Variants in DGCR8 observed in about 807,000 individuals in gnomAD.
DGCR8 encodes the protein DGCR8 microprocessor complex subunit.
In DGCR8, 14 loss-of-function variants were observed where a neutral mutation model predicts 78.5. The observed-to-expected ratio is 0.18, with a 90% confidence interval of 0.12 to 0.28. DGCR8 has a LOEUF of 0.28. Among genes scored for constraint, DGCR8 ranks in the 10% least tolerant of loss-of-function variants. The pLI is 1.00. For synonymous variants in DGCR8, 399 were observed against 402.4 expected (o/e 0.99, Z 0.10); for missense variants, 702 against 1,022.5 (o/e 0.69, Z 4.28).
At chr22:20,109,813 A>G (rs73389786) in intron 13 of DGCR8, among the ~76,000 whole-genome samples, 11,640 of 152,138 alleles carry the variant, frequency 0.077, 560 homozygotes, top group African/African-American at 0.13. Flanking sequence ...CACATGTTGT[A>G]CTCTGATGGC....
chr22:20,106,848 G>A (rs570146224), intron 11 of DGCR8, 150 bp downstream of exon 11: 19 of 635,496 alleles, frequency 3.0e-5, no homozygotes, highest in South Asian at 5.4e-5. Context: ...AGCCTAAGGC[G>A]GACTGGCAGC....
chr22:20,103,342 A>G (rs1016671100), intron 9 of DGCR8, among the ~76,000 whole-genome samples: 7 of 152,062 alleles, frequency 4.6e-5, no homozygotes, highest in African/African-American at 1.7e-4. Flanking sequence ...TACTAGATTT[A>G]TAGTTAAATA....
Position 20,089,560 on chromosome 22 carries a change from C to G in DGCR8, c.881-109C>G. 3 of 1,206,318 alleles carry G rather than the reference C, an allele frequency of 2.5e-6. No individual in the cohort carries two copies. Among genetic ancestry groups the G allele is most frequent in the Non-Finnish European group, 3.6e-6 (3 of 841,218 alleles). 74.7% of individuals were successfully genotyped at this position (1,206,318 alleles called of 1,614,324 possible). On this transcript the variant is annotated intron_variant, in intron 3 of 13. Transcript: ENST00000351989. The surrounding 1 kb of genome is among the most constrained non-coding windows in gnomAD (Gnocchi z 4.9). ...AGGAATTTCGATTATCTGTGAAGAC[C>G]CAGTTAAACACATGCTAGTACCCAA...
chr22:20,106,865 G>A, intron 11 of DGCR8, 167 bp downstream of exon 11: 1 of 614,098 alleles, frequency 1.6e-6, no homozygotes. Flanking sequence ...CAGCCGTCCT[G>A]CCTGCACTTT....
At chr22:20,106,800 C>T (rs2049775633) in intron 11 of DGCR8, 102 bp downstream of exon 11, 1 of 829,488 alleles carries the variant, frequency 1.2e-6, no homozygotes, top group Non-Finnish European at 2.0e-6. Context: ...CTGGCATTGT[C>T]CCTGAGCCCA....
At chr22:20,107,475 G>T in intron 12 of DGCR8, 77 bp downstream of exon 12, 3 of 1,579,790 alleles carry the variant, frequency 1.9e-6, no homozygotes, top group Non-Finnish European at 2.6e-6. Flanking sequence ...TGTGCTCAGA[G>T]GGGGCAGAGC....
intron 13 of DGCR8, among the ~76,000 whole-genome samples, chr22:20,109,793 A>T (rs1214925848): frequency 6.6e-6 from 1 of 152,340 alleles, no homozygotes; most frequent in Non-Finnish European, 1.5e-5. Context: ...CCTGATTGCC[A>T]GGGAGGCTGC....
At chr22:20,096,551 T>A in intron 9 of DGCR8, 1 of 935,982 alleles carries the variant, frequency 1.1e-6, no homozygotes, top group Non-Finnish European at 1.3e-6. Context: ...TACTATAAAT[T>A]TGGCCTTTTA....
Position 20,087,414 on chromosome 22 carries a change from A to G in DGCR8, c.880+93A>G. 13 of 1,433,960 alleles carry G rather than the reference A, an allele frequency of 9.1e-6. No individual in the cohort carries two copies. Among genetic ancestry groups the G allele is most frequent in the Non-Finnish European group, 1.2e-5 (13 of 1,062,772 alleles). The allele number at this position is 1,433,960 out of a possible 1,614,324, so 88.8% of individuals were successfully genotyped here. Reference sequence around the variant, plus strand: ...AATGCTTTGAGAGAGCTCTGGTGCCAGGTAGTGGGCTGGGTGGAGGCATGT... The same window carrying G: ...AATGCTTTGAGAGAGCTCTGGTGCCGGGTAGTGGGCTGGGTGGAGGCATGT... On this transcript the variant is annotated intron_variant, in intron 3 of 13. Transcript: ENST00000351989. The surrounding 1 kb of genome is among the most constrained non-coding windows in gnomAD (Gnocchi z 4.1).
At chr22:20,095,400 C>T (rs1020332431) in intron 9 of DGCR8, among the ~76,000 whole-genome samples, 2 of 152,154 alleles carry the variant, frequency 1.3e-5, no homozygotes, top group Non-Finnish European at 2.9e-5. Context: ...GCCACTGCGC[C>T]CGGCCCTAGA....
At chr22:20,103,832 T>C (rs558804761) in intron 9 of DGCR8, among the ~76,000 whole-genome samples, 1 of 152,342 alleles carries the variant, frequency 6.6e-6, no homozygotes, top group Admixed American at 6.5e-5. Flanking sequence ...TGAACTACTG[T>C]TGAGTTTCTT....
intron 1 of DGCR8, among the ~76,000 whole-genome samples, chr22:20,081,618 C>T (rs1224021502): frequency 6.6e-6 from 1 of 152,108 alleles, no homozygotes; most frequent in Non-Finnish European, 1.5e-5. Context: ...TTGTTGTAGC[C>T]CTCTCCTTTG....
At chr22:20,101,807 C>A in intron 9 of DGCR8, 1 of 985,334 alleles carries the variant, frequency 1.0e-6, no homozygotes, top group Non-Finnish European at 1.2e-6. Context: ...CAACACCTGT[C>A]CTTGGACTGT....
chr22:20,093,020 GTTTAT>G (rs1486858701), intron 8 of DGCR8, 113 bp downstream of exon 8: 4 of 700,430 alleles, frequency 5.7e-6, no homozygotes, highest in African/African-American at 3.6e-5. Context: ...GGTGGGGCAT[GTTTAT>G]TTTATTTATG....
intron 1 of DGCR8, among the ~76,000 whole-genome samples, chr22:20,082,921 A>C (rs980327366): frequency 3.3e-5 from 5 of 152,104 alleles, no homozygotes; most frequent in Admixed American, 6.5e-5. Context: ...GGGCCTTCCT[A>C]TCCGGTGGCC....
At chr22:20,104,560 C>T (rs914365117) in intron 9 of DGCR8, among the ~76,000 whole-genome samples, 2 of 152,166 alleles carry the variant, frequency 1.3e-5, no homozygotes, top group African/African-American at 2.4e-5. Flanking sequence ...GTCCCGAAGC[C>T]GTGGGGTATG....
intron 1 of DGCR8, among the ~76,000 whole-genome samples, chr22:20,082,292 T>C (rs571877657): frequency 6.6e-6 from 1 of 152,154 alleles, no homozygotes; most frequent in Non-Finnish European, 1.5e-5. Flanking sequence ...ACTCCTGGCC[T>C]CAAATGATCT....
rs1184624080 is a variant in DGCR8 at position 20,110,176 on chromosome 22, T to A, written c.*68T>A. The stretch of plus-strand genomic sequence containing the variant: ...TTCTGAGGAGACCAGCAGTCATGCA[T>A]CGTGCACCACAGTGTCAGGCCTCCA... On this transcript the variant is annotated 3_prime_UTR_variant, in exon 14 of 14. Transcript: ENST00000351989. 2.0e-6 allele frequency: 3 copies of A among 1,509,998 alleles called. No homozygotes were observed. In the African/African-American group the frequency reaches 4.1e-5, roughly 21 times the overall value. The allele number at this position is 1,509,998 out of a possible 1,614,324, so 93.5% of individuals were successfully genotyped here.
rs1017452267 is a variant in DGCR8, at chr22:20,080,341, T to C, written c.-320T>C. 2 of 979,948 alleles carry C rather than the reference T, an allele frequency of 2.0e-6. No homozygotes were observed. Among genetic ancestry groups the C allele is most frequent in the African/African-American group, 3.5e-5 (2 of 56,492 alleles). 60.7% of individuals were successfully genotyped at this position (979,948 alleles called of 1,614,324 possible). ...TCGGTCGGTGAGGCTTTCCCGGCTG[T>C]GGTTTGGCTGCGGGCGGCTTGGGCA... On this transcript the variant is annotated 5_prime_UTR_variant, in exon 1 of 14. Coordinates refer to ENST00000351989, the MANE Select transcript of DGCR8 (RefSeq NM_022720.7).
Sources: gnomAD v4.1 joint callset for allele counts (sites outside exome capture counted in the v4.1 genomes callset) on GRCh38, gnomAD v4.1.1 for gene constraint, Gnocchi (gnomAD v3.1) non-coding constraint, MANE v1.5 for transcripts, NCBI Gene and HGNC (gene_info 2026-07-23, HGNC 2026-07-21) for gene names.